PCTP: variants seen among roughly 807,000 people sequenced by gnomAD.
PCTP encodes START domain-containing protein 2.
Under a neutral mutation model 31.0 loss-of-function variants are expected in PCTP, and 27 were observed. The observed-to-expected ratio is 0.87, with a 90% CI of 0.64 to 1.20. PCTP has a LOEUF of 1.20. PCTP is among the 50% of genes most tolerant of loss of function. The pLI is 0.00. For synonymous variants in PCTP, 108 were observed against 101.2 expected, an observed-to-expected ratio of 1.07 and a Z score of -0.40; for missense variants, 287 against 268.2, an observed-to-expected ratio of 1.07 and a Z score of -0.49.
chr17:55,778,643 G>T (rs151338079), downstream of PCTP, among the ~76,000 whole-genome samples: 1 of 152,054 alleles, frequency 6.6e-6, no homozygotes, highest in African/African-American at 2.4e-5. Flanking sequence ...GATTTCCCAG[G>T]TTCCCATTGG....
chr17:55,761,483 G>C (rs922640807), intron 1 of PCTP, among the ~76,000 whole-genome samples: 1 of 148,240 alleles, frequency 6.7e-6, no homozygotes, highest in African/African-American at 2.5e-5. Flanking sequence ...ACTATAGCAG[G>C]TATATATAAA....
chr17:55,840,074 G>A lies in PCTP; in HGVS notation n.506-2653G>A, dbSNP rs564762764. 1.9e-4 allele frequency among the ~76,000 whole-genome samples: 29 copies of A among 151,806 alleles called. No individual in the cohort carries two copies. In the South Asian group the frequency reaches 5.4e-3, roughly 28 times the overall value. On this transcript the variant is annotated intron_variant and non_coding_transcript_variant, in intron 5 of 5. Transcript: ENST00000576221. ...ACAACAACAGATTTTTTAAAATTTT[G>A]CACCAGTCACCGTTGCCCAAAGTGG...
At chr17:55,759,625 C>G (rs957502881) in intron 1 of PCTP, among the ~76,000 whole-genome samples, 3 of 152,084 alleles carry the variant, frequency 2.0e-5, no homozygotes, top group Non-Finnish European at 4.4e-5. Context: ...TGGAAATGAG[C>G]GCTTCTGTGA....
intron 5 of PCTP, chr17:55,775,657 C>A: frequency 8.3e-7 from 1 of 1,206,164 alleles, no homozygotes; most frequent in Non-Finnish European, 1.0e-6. Flanking sequence ...GCTCCTTGAT[C>A]CCCAATCCTT....
At chr17:55,835,163 G>T (rs554021244) in intron 5 of PCTP, among the ~76,000 whole-genome samples, 1 of 152,244 alleles carries the variant, frequency 6.6e-6, no homozygotes, top group South Asian at 2.1e-4. Flanking sequence ...CTCCCTTAGA[G>T]ACTTCAGAGG....
intron 1 of PCTP, among the ~76,000 whole-genome samples, chr17:55,764,664 C>T (rs986505044): frequency 5.9e-5 from 9 of 152,082 alleles, no homozygotes; most frequent in Non-Finnish European, 1.3e-4. Context: ...TGTATTTATC[C>T]CTAGGTTATA....
intron 1 of PCTP, among the ~76,000 whole-genome samples, chr17:55,757,255 C>T (rs963323879): frequency 1.3e-5 from 2 of 149,774 alleles, no homozygotes; most frequent in African/African-American, 4.9e-5. Flanking sequence ...CATATATACA[C>T]ATATATGTGT....
At chr17:55,751,605 A>C in intron 1 of PCTP, 1 of 414,412 alleles carries the variant, frequency 2.4e-6, no homozygotes, top group Non-Finnish European at 4.5e-6. Context: ...TCAGTGGCAT[A>C]TGGGGGCTGG....
At position 55,799,376 on chromosome 17, in the gene PCTP, C is replaced by CA. The variant is rs893719240; in HGVS notation, c.317+11722_317+11723insA. On this transcript the variant is annotated intron_variant, in intron 3 of 3. Coordinates refer to the PCTP transcript ENST00000572536. ...TCAGAGGCTAGGATTGCAGTCCCTG[C>CA]TTTTTTTTCTTTTTCTTTCTTTTTT... Among the ~76,000 whole-genome samples the CA allele has an allele frequency of 2.7e-5, 4 of 148,376 alleles. No homozygotes were observed. The East Asian group carries it at 7.8e-4, about 29-fold the overall frequency.
chr17:55,776,157 C>T lies in PCTP; in HGVS notation c.*57C>T, dbSNP rs1911320223. 6.2e-7 allele frequency: 1 copy of T among 1,603,174 alleles called. No individual in the cohort carries two copies. The highest frequency in any genetic ancestry group is 8.5e-7 in the Non-Finnish European group (1 of 1,174,774). On this transcript the variant is annotated 3_prime_UTR_variant, in exon 6 of 6. Coordinates refer to ENST00000268896, the MANE Select transcript of PCTP (RefSeq NM_021213.4). Reference sequence around the variant, plus strand: ...TTGATGTCTCTGGAAGTGCAACCACCCAATGTCTCTGGAAGTGCCACCTGG... The same window carrying T: ...TTGATGTCTCTGGAAGTGCAACCACTCAATGTCTCTGGAAGTGCCACCTGG...
In PCTP at chr17:55,777,352, GAATA is replaced by G; in HGVS notation, c.*1257_*1260del. On this transcript the variant is annotated 3_prime_UTR_variant, in exon 6 of 6. Transcript: ENST00000268896. ...TGGGAAGAAAAGTGTGTTCTATAAT[GAATA>G]AATATAGAGTGGTTTTTACTTGTCC... 1.0e-6 allele frequency: 1 copy of G among 984,398 alleles called. No individual in the cohort carries two copies. Among genetic ancestry groups the G allele is most frequent in the Non-Finnish European group, 1.2e-6 (1 of 828,826 alleles). 61.0% of individuals were successfully genotyped at this position (984,398 alleles called of 1,614,324 possible).
chr17:55,756,346 A>AT (rs1910015925), intron 1 of PCTP, among the ~76,000 whole-genome samples: 1 of 152,216 alleles, frequency 6.6e-6, no homozygotes, highest in African/African-American at 2.4e-5. Flanking sequence ...AGATAAAAGG[A>AT]TAGAGAGATG....
chr17:55,789,187 A>G (rs1274897290), intron 3 of PCTP, among the ~76,000 whole-genome samples: 1 of 152,180 alleles, frequency 6.6e-6, no homozygotes, highest in South Asian at 2.1e-4. Flanking sequence ...TATCTACCTC[A>G]CACATCACCA....
At chr17:55,759,808 A>T (rs1359623505) in intron 1 of PCTP, among the ~76,000 whole-genome samples, 1 of 152,162 alleles carries the variant, frequency 6.6e-6, no homozygotes, top group Non-Finnish European at 1.5e-5. Context: ...CATCTACAGG[A>T]GATTACTCCT....
chr17:55,819,919 G>T (rs1249300927), intron 3 of PCTP, among the ~76,000 whole-genome samples: 1 of 152,010 alleles, frequency 6.6e-6, no homozygotes, highest in Non-Finnish European at 1.5e-5. Context: ...ATTCAATGGG[G>T]GAAGAATAAT....
At chr17:55,774,981 T>G in intron 5 of PCTP, 122 bp downstream of exon 5, 1 of 1,122,868 alleles carries the variant, frequency 8.9e-7, no homozygotes. Flanking sequence ...GAGGCTCTTT[T>G]ATGAAGAGTT....
At chr17:55,788,048 C>T (rs946336071) in intron 3 of PCTP, among the ~76,000 whole-genome samples, 3 of 152,092 alleles carry the variant, frequency 2.0e-5, no homozygotes, top group African/African-American at 4.8e-5. Flanking sequence ...CTTTTAAAAC[C>T]ACATATTTAT....
downstream of PCTP, among the ~76,000 whole-genome samples, chr17:55,780,785 G>A (rs979046860): frequency 1.3e-5 from 2 of 152,150 alleles, no homozygotes; most frequent in Non-Finnish European, 2.9e-5. Flanking sequence ...AATATCATAT[G>A]AGCATAAATA....
chr17:55,775,411 G>C (rs1444048054), intron 5 of PCTP: 3 of 1,231,948 alleles, frequency 2.4e-6, no homozygotes, highest in Non-Finnish European at 3.0e-6. Flanking sequence ...CTACTAGAGA[G>C]CTCAACAGAT....
Sources: gnomAD v4.1 joint callset for allele counts (sites outside exome capture counted in the v4.1 genomes callset) on GRCh38, gnomAD v4.1.1 for gene constraint, MANE v1.5 for transcripts, NCBI Gene and HGNC (gene_info 2026-07-23, HGNC 2026-07-21) for gene names.